Variants in PTPRK observed in about 807,000 individuals in gnomAD.
The protein encoded by PTPRK is protein tyrosine phosphatase receptor type K, also known as receptor-type tyrosine-protein phosphatase kappa.
In PTPRK, 75 loss-of-function variants were observed where a neutral mutation model predicts 178.0. The ratio of observed to expected loss-of-function variants is 0.42; its 90% CI spans 0.35 to 0.51. The LOEUF (loss-of-function observed/expected upper bound fraction) is 0.51. PTPRK is among the 20% of genes least tolerant of loss of function. PTPRK has a pLI of 0.02. For missense variants in PTPRK, 1,441 were observed against 1,797.8 expected (o/e 0.80, Z 3.59); for synonymous variants, 637 against 620.6 (o/e 1.03, Z -0.39).
chr6:128,448,551 T>C (rs912815518), intron 1 of PTPRK, among the ~76,000 whole-genome samples: 1 of 152,188 alleles, frequency 6.6e-6, no homozygotes, highest in Non-Finnish European at 1.5e-5. Context: ...GCATGCCACA[T>C]TAGGCACTAA....
rs144427643 is a variant in PTPRK, at chr6:128,140,845, C to T, written c.1162+43587G>A. Among the ~76,000 whole-genome samples, 41 of 152,016 alleles carry T rather than the reference C, an allele frequency of 2.7e-4. 1 individual carries two copies. In the East Asian group the frequency reaches 7.2e-3, roughly 27 times the overall value. On this transcript the variant is annotated intron_variant, in intron 7 of 29. Transcript: ENST00000368226. ...ATAGTTTTTTATTGGTAGGAATGAT[C>T]TAATATCCCTTAAATGTGGAGGATT...
chr6:128,118,654 T>A (rs1791962715), intron 7 of PTPRK, among the ~76,000 whole-genome samples: 1 of 152,170 alleles, frequency 6.6e-6, no homozygotes, highest in African/African-American at 2.4e-5. Flanking sequence ...ATCAGCAAAA[T>A]ATCTCCAGCT....
At chr6:128,148,919 A>G (rs1472436657) in intron 7 of PTPRK, among the ~76,000 whole-genome samples, 1 of 152,088 alleles carries the variant, frequency 6.6e-6, no homozygotes, top group Non-Finnish European at 1.5e-5. Context: ...GGATCATATT[A>G]TGCCTTTCCA....
chr6:128,275,390 T>C (rs752324694), intron 3 of PTPRK, among the ~76,000 whole-genome samples: 1 of 152,090 alleles, frequency 6.6e-6, no homozygotes, highest in Non-Finnish European at 1.5e-5. Context: ...TGTTTTTGTT[T>C]ATTTATCTAT....
intron 7 of PTPRK, among the ~76,000 whole-genome samples, chr6:128,159,476 C>G (rs1425751032): frequency 6.6e-6 from 1 of 151,766 alleles, no homozygotes; most frequent in Non-Finnish European, 1.5e-5. Context: ...CATGATAAAG[C>G]TGAATATGTT....
chr6:128,451,347 C>T (rs1847769083), intron 1 of PTPRK, among the ~76,000 whole-genome samples: 3 of 152,112 alleles, frequency 2.0e-5, no homozygotes, highest in Admixed American at 2.0e-4. Context: ...ATAAATTGCT[C>T]ACTGATAAAG....
chr6:128,146,765 T>C (rs1480877875), intron 7 of PTPRK, among the ~76,000 whole-genome samples: 1 of 152,064 alleles, frequency 6.6e-6, no homozygotes, highest in East Asian at 1.9e-4. Context: ...TATATATACA[T>C]ACCAATTTGG....
chr6:128,203,149 C>CA (rs888579516), intron 6 of PTPRK, among the ~76,000 whole-genome samples: 6 of 151,454 alleles, frequency 4.0e-5, no homozygotes, highest in African/African-American at 9.7e-5. Context: ...GAACTAAAGA[C>CA]AAAAAAACAA....
intron 13 of PTPRK, 108 bp from the exon 14 acceptor site, chr6:128,009,376 A>G: frequency 1.0e-6 from 1 of 960,938 alleles, no homozygotes; most frequent in Non-Finnish European, 1.5e-6. Flanking sequence ...ATTGTATATT[A>G]ATAAAAATAA....
chr6:128,498,058 A>T (rs933284434), intron 1 of PTPRK, among the ~76,000 whole-genome samples: 7 of 152,204 alleles, frequency 4.6e-5, no homozygotes, highest in Admixed American at 4.6e-4. Flanking sequence ...CAAAAACAAA[A>T]GCAAAAAAAC....
intron 29 of PTPRK, 27 bp downstream of exon 29, chr6:127,972,995 T>C: frequency 1.2e-6 from 2 of 1,610,470 alleles, no homozygotes; most frequent in Non-Finnish European, 1.7e-6. Context: ...CTAAGATGCC[T>C]TCCAAATCTA....
At chr6:128,307,491 TATTAAA>T (rs1433564498) in intron 3 of PTPRK, among the ~76,000 whole-genome samples, 1 of 149,714 alleles carries the variant, frequency 6.7e-6, no homozygotes, top group Non-Finnish European at 1.5e-5. Context: ...AAAAAATCAA[TATTAAA>T]ATTAAGGCTT....
intron 3 of PTPRK, among the ~76,000 whole-genome samples, chr6:128,294,287 G>C (rs1001995992): frequency 1.7e-4 from 26 of 151,952 alleles, no homozygotes; most frequent in Non-Finnish European, 8.8e-5. Context: ...GTCTTTCTAA[G>C]GTGTCCATTA....
chr6:128,448,871 T>G (rs945159517), intron 1 of PTPRK, among the ~76,000 whole-genome samples: 1 of 152,140 alleles, frequency 6.6e-6, no homozygotes, highest in African/African-American at 2.4e-5. Flanking sequence ...TTTGTTTTTG[T>G]TTTTTTGAGA....
chr6:128,431,961 C>A (rs1344492915), intron 1 of PTPRK, among the ~76,000 whole-genome samples: 6 of 150,700 alleles, frequency 4.0e-5, no homozygotes, highest in African/African-American at 1.2e-4. Flanking sequence ...GTTCTTACCC[C>A]AATGCAAAAA....
At chr6:128,288,539 G>GA (rs945279538) in intron 3 of PTPRK, among the ~76,000 whole-genome samples, 58 of 152,194 alleles carry the variant, frequency 3.8e-4, no homozygotes, top group African/African-American at 1.3e-3. Context: ...TGGAATACAT[G>GA]AAACAGAGGA....
intron 2 of PTPRK, among the ~76,000 whole-genome samples, chr6:128,351,034 C>G (rs1833051578): frequency 6.6e-6 from 1 of 152,182 alleles, no homozygotes; most frequent in Admixed American, 6.5e-5. Context: ...GAGGCAAAGC[C>G]TGAAATTAGC....
chr6:128,271,328 C>T (rs537207453), intron 3 of PTPRK, among the ~76,000 whole-genome samples: 4 of 152,128 alleles, frequency 2.6e-5, no homozygotes, highest in Non-Finnish European at 5.9e-5. Context: ...GCTTTAAACT[C>T]TGACAGGGAT....
At chr6:128,195,078 A>C (rs898467130) in intron 6 of PTPRK, among the ~76,000 whole-genome samples, 6 of 152,118 alleles carry the variant, frequency 3.9e-5, no homozygotes, top group Non-Finnish European at 8.8e-5. Flanking sequence ...TATAGTTTAA[A>C]AAAATTATTA....
Sources: allele counts gnomAD v4.1 joint callset (sites outside exome capture counted in the v4.1 genomes callset), GRCh38; gene constraint gnomAD v4.1.1; transcripts MANE v1.5; gene names NCBI Gene and HGNC (gene_info 2026-07-23, HGNC 2026-07-21).